The following SDK1 variants were observed in gnomAD, a reference collection of about 807,000 sequenced individuals.
SDK1 encodes the protein sidekick cell adhesion molecule 1, also known as protein sidekick-1.
A neutral mutation model predicts 245.5 loss-of-function variants in SDK1; 157 were observed. The observed-to-expected ratio is 0.64, with a 90% CI of 0.56 to 0.73. SDK1 has a LOEUF of 0.73. SDK1 is among the 30% of genes least tolerant of loss of function. The probability of loss-of-function intolerance (pLI) is 0.00; values close to 1 mark genes in which losing one functional copy is unlikely to be tolerated. For synonymous variants in SDK1, 1,647 were observed against 1,278.5 expected (o/e 1.29, Z -6.15); for missense variants, 3,583 against 3,002.3 (o/e 1.19, Z -4.52).
intron 31 of SDK1, among the ~76,000 whole-genome samples, chr7:4,159,737 A>T (rs1780997616): frequency 6.6e-6 from 1 of 152,246 alleles, no homozygotes. Flanking sequence ...CCAACTGTGG[A>T]TTGAAATGTT....
At position 4,101,148 on chromosome 7, in the gene SDK1, C is replaced by T. The variant is rs115175115; in HGVS notation, c.3325-9515C>T. ...TGTTTTAAGGTAGCAAGGACACTTGCATTTTTTTTTTTTTTTTTGAGACGG... is the reference window on the plus strand; with the variant it reads ...TGTTTTAAGGTAGCAAGGACACTTGTATTTTTTTTTTTTTTTTTGAGACGG... On this transcript the variant is annotated intron_variant, in intron 22 of 44. Transcript: ENST00000404826. 6.3e-3 allele frequency among the ~76,000 whole-genome samples: 908 copies of T among 143,220 alleles called. 16 individuals carry two copies. The highest frequency in any genetic ancestry group is 0.023 in the African/African-American group (866 of 37,864). 94.0% of individuals were successfully genotyped at this position (143,220 alleles called of 152,430 possible).
intron 1 of SDK1, among the ~76,000 whole-genome samples, chr7:3,421,802 C>T (rs1779543352): frequency 6.6e-6 from 1 of 152,154 alleles, no homozygotes; most frequent in African/African-American, 2.4e-5. Context: ...TTATGAGAAC[C>T]TGCTCTTAAC....
intron 4 of SDK1, among the ~76,000 whole-genome samples, chr7:3,776,531 C>T (rs542560529): frequency 6.6e-6 from 1 of 152,258 alleles, no homozygotes; most frequent in African/African-American, 2.4e-5. Flanking sequence ...GTCTTCGTCA[C>T]CTATCTCACA....
chr7:3,975,993 G>T (rs1782926407), intron 13 of SDK1, among the ~76,000 whole-genome samples: 2 of 34,138 alleles, frequency 5.9e-5, no homozygotes, highest in African/African-American at 1.2e-4. Context: ...AGGGTCCCGG[G>T]GCTGAGGCTG....
At chr7:4,194,146 A>G (rs1041734499) in intron 35 of SDK1, among the ~76,000 whole-genome samples, 6 of 152,126 alleles carry the variant, frequency 3.9e-5, no homozygotes, top group African/African-American at 1.4e-4. Flanking sequence ...TCCTGGTACC[A>G]AAATCTGTAT....
chr7:4,055,288 C>A (rs1779125807), intron 19 of SDK1, among the ~76,000 whole-genome samples: 1 of 152,022 alleles, frequency 6.6e-6, no homozygotes, highest in South Asian at 2.1e-4. Context: ...TAGGACTATC[C>A]AGGTTGTCTG....
chr7:4,209,546 G>C (rs1469889657), intron 37 of SDK1, among the ~76,000 whole-genome samples: 1 of 152,210 alleles, frequency 6.6e-6, no homozygotes, highest in Non-Finnish European at 1.5e-5. Context: ...GGAGAGTGTG[G>C]TGGGAGATTT....
chr7:3,746,460 A>G (rs1293035222), intron 4 of SDK1, among the ~76,000 whole-genome samples: 1 of 152,158 alleles, frequency 6.6e-6, no homozygotes, highest in Middle Eastern at 3.2e-3. Context: ...ATTTCTCTGT[A>G]ATGTGCACTG....
intron 5 of SDK1, among the ~76,000 whole-genome samples, chr7:3,940,034 C>T (rs1780299192): frequency 6.6e-6 from 1 of 152,206 alleles, no homozygotes; most frequent in African/African-American, 2.4e-5. Context: ...CCTGTGCTTC[C>T]CATTGTCAGA....
chr7:3,684,408 G>A (rs1784211368), intron 4 of SDK1, among the ~76,000 whole-genome samples: 1 of 152,202 alleles, frequency 6.6e-6, no homozygotes, highest in Non-Finnish European at 1.5e-5. Flanking sequence ...AAGCAGCAAG[G>A]GGAGAGGAGT....
intron 44 of SDK1, among the ~76,000 whole-genome samples, chr7:4,264,641 A>C (rs1419046871): frequency 1.4e-5 from 2 of 143,810 alleles, no homozygotes; most frequent in Non-Finnish European, 3.0e-5. Context: ...TCCTGGGGTA[A>C]GGAAGGCCGT....
intron 4 of SDK1, among the ~76,000 whole-genome samples, chr7:3,682,955 A>T (rs1415774495): frequency 6.6e-6 from 1 of 152,108 alleles, no homozygotes; most frequent in Non-Finnish European, 1.5e-5. Flanking sequence ...GCTGGTCTGG[A>T]ACTCCTGACC....
At chr7:3,989,981 G>C (rs2128140466) in intron 14 of SDK1, among the ~76,000 whole-genome samples, 1 of 152,338 alleles carries the variant, frequency 6.6e-6, no homozygotes, top group Admixed American at 6.5e-5. Flanking sequence ...TGACTCCAGA[G>C]CCGGTGCTCA....
At chr7:3,899,219 TA>T (rs1471800414) in intron 5 of SDK1, among the ~76,000 whole-genome samples, 2 of 152,214 alleles carry the variant, frequency 1.3e-5, no homozygotes, top group Non-Finnish European at 2.9e-5. Context: ...CTTCTTAATA[TA>T]TGAGTATGTA....
At chr7:4,150,189 C>T (rs1220915765) in intron 30 of SDK1, among the ~76,000 whole-genome samples, 5 of 152,184 alleles carry the variant, frequency 3.3e-5, no homozygotes, top group Admixed American at 1.3e-4. Context: ...ACACCCTCAC[C>T]ACATGCCCTG....
At chr7:3,785,269 T>C (rs1242417717) in intron 4 of SDK1, among the ~76,000 whole-genome samples, 4 of 152,118 alleles carry the variant, frequency 2.6e-5, no homozygotes, top group African/African-American at 7.2e-5. Flanking sequence ...TTTTTTAGTT[T>C]TGTTGCTGAG....
At chr7:3,874,846 A>G (rs1583500397) in intron 5 of SDK1, among the ~76,000 whole-genome samples, 1 of 152,270 alleles carries the variant, frequency 6.6e-6, no homozygotes, top group East Asian at 1.9e-4. Context: ...TTGTTCTTCC[A>G]GGAACATAGG....
chr7:4,228,143 C>T (rs1272096419), intron 40 of SDK1, among the ~76,000 whole-genome samples: 2 of 152,214 alleles, frequency 1.3e-5, no homozygotes, highest in Non-Finnish European at 2.9e-5. Flanking sequence ...AGCCTTCCTT[C>T]TGAGGTGGAC....
intron 5 of SDK1, among the ~76,000 whole-genome samples, chr7:3,835,468 A>G (rs182497306): frequency 6.6e-6 from 1 of 152,268 alleles, no homozygotes; most frequent in East Asian, 1.9e-4. Flanking sequence ...GTTGCTGGAC[A>G]CTTTCACTTG....
Sources: gnomAD v4.1 joint callset for allele counts (sites outside exome capture counted in the v4.1 genomes callset) on GRCh38, gnomAD v4.1.1 for gene constraint, MANE v1.5 for transcripts, NCBI Gene and HGNC (gene_info 2026-07-23, HGNC 2026-07-21) for gene names.